The following SMIM14 variants were observed in gnomAD, a reference collection of about 807,000 sequenced individuals.
SMIM14 encodes the protein chromosome 4 open reading frame 34.
A neutral mutation model predicts 12.6 loss-of-function variants in SMIM14; 5 were observed. The ratio of observed to expected loss-of-function variants is 0.40; its 90% CI spans 0.21 to 0.83. The LOEUF (loss-of-function observed/expected upper bound fraction) is 0.83. SMIM14 is among the 40% of genes least tolerant of loss of function. The pLI is 0.37. For synonymous variants in SMIM14, 30 were observed against 40.1 expected (o/e 0.75, Z 0.95); for missense variants, 86 against 119.1 (o/e 0.72, Z 1.29).
At chr4:39,560,245 C>G (rs6824308) in intron 3 of SMIM14, among the ~76,000 whole-genome samples, 1 of 146,542 alleles carries the variant, frequency 6.8e-6, no homozygotes, top group African/African-American at 2.5e-5. Flanking sequence ...CAGTTCTTTT[C>G]TTTTCTTTTT....
At chr4:39,615,526 A>T (rs1222763270) in intron 1 of SMIM14, among the ~76,000 whole-genome samples, 1 of 152,168 alleles carries the variant, frequency 6.6e-6, no homozygotes, top group African/African-American at 2.4e-5. Context: ...TATGGACTTT[A>T]GGTAACAATG....
intron 1 of SMIM14, among the ~76,000 whole-genome samples, chr4:39,609,675 G>A (rs1476928150): frequency 6.6e-6 from 1 of 152,200 alleles, no homozygotes; most frequent in African/African-American, 2.4e-5. Flanking sequence ...TTCCGGCTAT[G>A]TTCATGATTA....
chr4:39,630,521 A>T (rs1160669868), intron 1 of SMIM14, among the ~76,000 whole-genome samples: 1 of 152,190 alleles, frequency 6.6e-6, no homozygotes, highest in Non-Finnish European at 1.5e-5. Flanking sequence ...GCGCATAAAC[A>T]TCATTAGTCA....
rs533975935 is a variant in SMIM14, at chr4:39,557,332, A to T, written c.125-762T>A. Among the ~76,000 whole-genome samples the T allele has an allele frequency of 1.0e-3, 153 of 151,816 alleles. 1 individual carries two copies. Among genetic ancestry groups the T allele is most frequent in the African/African-American group, 2.6e-3 (109 of 41,444 alleles). On this transcript the variant is annotated intron_variant, in intron 3 of 4. Transcript: ENST00000295958. ...CTGCCCCACACCCCTAATTTTTTTT[A>T]AAATTTTTAGTAGTGACGACGTCTC...
chr4:39,617,622 G>T (rs748838159), intron 1 of SMIM14, among the ~76,000 whole-genome samples: 2 of 152,156 alleles, frequency 1.3e-5, no homozygotes, highest in African/African-American at 4.8e-5. Context: ...CATCATCAAT[G>T]AAGATATTAA....
intron 1 of SMIM14, among the ~76,000 whole-genome samples, chr4:39,634,859 A>G (rs552512623): frequency 2.6e-5 from 4 of 152,204 alleles, no homozygotes. Flanking sequence ...CCTACAATAG[A>G]CAGTATGTTC....
intron 3 of SMIM14, among the ~76,000 whole-genome samples, chr4:39,566,617 G>C (rs1712586327): frequency 6.6e-6 from 1 of 152,030 alleles, no homozygotes; most frequent in African/African-American, 2.4e-5. Flanking sequence ...TGGATCACCT[G>C]AGGTCAGGAG....
chr4:39,561,219 C>T (rs1483012175), intron 3 of SMIM14, among the ~76,000 whole-genome samples: 1 of 152,166 alleles, frequency 6.6e-6, no homozygotes, highest in Non-Finnish European at 1.5e-5. Flanking sequence ...CTTTGAGCAT[C>T]ATGTCAGCAC....
chr4:39,550,675 C>A lies in SMIM14; in HGVS notation c.*1451G>T, dbSNP rs1306503024. ...TACTTTTTTATACATTTTAAAATTT[C>A]TCTCATATTAACATTCCTTCCTACC... On this transcript the variant is annotated 3_prime_UTR_variant, in exon 5 of 5. Coordinates refer to ENST00000295958, the MANE Select transcript of SMIM14 (RefSeq NM_174921.3). 1 of 152,110 alleles carries A rather than the reference C, an allele frequency of 6.6e-6. No individual in the cohort carries two copies. Among genetic ancestry groups the A allele is most frequent in the Non-Finnish European group, 1.5e-5 (1 of 68,028 alleles). 9.4% of individuals were successfully genotyped at this position (152,110 alleles called of 1,614,324 possible).
At chr4:39,598,687 T>C (rs1164609215) in intron 2 of SMIM14, among the ~76,000 whole-genome samples, 1 of 152,234 alleles carries the variant, frequency 6.6e-6, no homozygotes, top group African/African-American at 2.4e-5. Context: ...TCTGTACTAC[T>C]TAATGTGTTT....
chr4:39,558,211 G>C lies in SMIM14; in HGVS notation c.125-1641C>G, dbSNP rs1712113587. Among the ~76,000 whole-genome samples, 1 of 152,218 alleles carries C rather than the reference G, an allele frequency of 6.6e-6. No homozygotes were observed. Among genetic ancestry groups the C allele is most frequent in the Non-Finnish European group, 1.5e-5 (1 of 68,048 alleles). On this transcript the variant is annotated intron_variant, in intron 3 of 4. Coordinates refer to ENST00000295958, the MANE Select transcript of SMIM14 (RefSeq NM_174921.3). This position sits in a 1 kb window ranked among gnomAD's most constrained non-coding sequence, Gnocchi z 4.3. ...CAATTTTCAGAAATAAAAATGGCCAGGTGCACTGGCTCACGCCTGTAATCC... is the reference window on the plus strand; with the variant it reads ...CAATTTTCAGAAATAAAAATGGCCACGTGCACTGGCTCACGCCTGTAATCC...
intron 1 of SMIM14, among the ~76,000 whole-genome samples, chr4:39,636,173 CAAAAAAAAAAAAAAA>C (rs749292775): frequency 6.8e-4 from 52 of 76,344 alleles, no homozygotes; most frequent in South Asian, 1.0e-3. Flanking sequence ...CTCCATCTCC[CAAAAAAAAAAAAAAA>C]AAAAAAAAAA....
chr4:39,625,030 C>T (rs1396936890), intron 1 of SMIM14, among the ~76,000 whole-genome samples: 1 of 150,584 alleles, frequency 6.6e-6, no homozygotes, highest in East Asian at 2.0e-4. Flanking sequence ...CAAGATGAAA[C>T]CCCATCTCTA....
intron 2 of SMIM14, chr4:39,594,733 A>G (rs1404478942): frequency 6.7e-6 from 1 of 149,754 alleles, no homozygotes; most frequent in African/African-American, 2.4e-5. Flanking sequence ...CCCATCAAAA[A>G]GTGGGCAAAG....
chr4:39,578,463 A>C (rs1191632633), intron 2 of SMIM14, among the ~76,000 whole-genome samples: 1 of 152,256 alleles, frequency 6.6e-6, no homozygotes, highest in Non-Finnish European at 1.5e-5. Flanking sequence ...AAAAACAACA[A>C]TTAGAGAAAA....
chr4:39,607,657 C>G (rs903381037), intron 1 of SMIM14, among the ~76,000 whole-genome samples: 2 of 152,038 alleles, frequency 1.3e-5, no homozygotes, highest in African/African-American at 4.8e-5. Context: ...TGTTCACATT[C>G]CAGTAGTAGA....
At chr4:39,569,599 C>T (rs746589206) in intron 3 of SMIM14, among the ~76,000 whole-genome samples, 2 of 151,980 alleles carry the variant, frequency 1.3e-5, no homozygotes, top group Non-Finnish European at 1.5e-5. Flanking sequence ...AAGCCAGGCA[C>T]GGTGGCTCAT....
At position 39,619,430 on chromosome 4, in the gene SMIM14, TTC is replaced by T. The variant is rs1237625687; in HGVS notation, c.-35-14252_-35-14251del. Among the ~76,000 whole-genome samples, 15 of 92,908 alleles carry T rather than the reference TTC, an allele frequency of 1.6e-4. 1 individual carries two copies. Among genetic ancestry groups the T allele is most frequent in the African/African-American group, 5.4e-4 (12 of 22,272 alleles). The allele number at this position is 92,908 out of a possible 152,430, so 61.0% of individuals were successfully genotyped here. On this transcript the variant is annotated intron_variant, in intron 1 of 4. Coordinates refer to ENST00000295958, the MANE Select transcript of SMIM14 (RefSeq NM_174921.3). The stretch of plus-strand genomic sequence containing the variant: ...ATTCTATATCAATAAATATAATTTA[TTC>T]TATATCAATAAATATAATTTATTCT...
intron 2 of SMIM14, among the ~76,000 whole-genome samples, chr4:39,587,512 A>AAG (rs2110032744): frequency 6.6e-6 from 1 of 151,546 alleles, no homozygotes; most frequent in African/African-American, 2.4e-5. Context: ...AAAAAAAAAA[A>AAG]AAAAAAAAAT....
Sources: gnomAD v4.1 joint callset for allele counts (sites outside exome capture counted in the v4.1 genomes callset) on GRCh38, gnomAD v4.1.1 for gene constraint, Gnocchi (gnomAD v3.1) non-coding constraint, MANE v1.5 for transcripts, NCBI Gene and HGNC (gene_info 2026-07-23, HGNC 2026-07-21) for gene names.